MECOM: variants seen among roughly 807,000 people sequenced by gnomAD.
The protein encoded by MECOM is MDS1 and EVI1 complex locus, also known as histone-lysine N-methyltransferase MECOM.
Under a neutral mutation model 116.3 loss-of-function variants are expected in MECOM, and 13 were observed. The ratio of observed to expected loss-of-function variants is 0.11; its 90% confidence interval spans 0.07 to 0.18. The LOEUF (loss-of-function observed/expected upper bound fraction) is 0.18, where lower values mean the gene tolerates loss of function less well. Among genes scored for constraint, MECOM ranks in the 10% least tolerant of loss-of-function variants. MECOM has a pLI of 1.00. For synonymous variants in MECOM, 528 were observed against 535.2 expected, an observed-to-expected ratio of 0.99 and a Z score of 0.19; for missense variants, 1,299 against 1,509.0, an observed-to-expected ratio of 0.86 and a Z score of 2.31.
At position 169,519,117 on chromosome 3, in the gene MECOM, T is replaced by A. The variant is rs1229291323; in HGVS notation, c.38-137593A>T. Among the ~76,000 whole-genome samples the A allele has an allele frequency of 2.0e-5, 3 of 152,360 alleles. No homozygotes were observed. In the East Asian group the frequency reaches 5.8e-4, roughly 29 times the overall value. ...TTCCTTTCTACAACAAATTTTTAAA[T>A]AAATGAGAATGCTTCTCTCTGTGTA... On this transcript the variant is annotated intron_variant, in intron 1 of 16. Transcript: ENST00000651503.
intron 1 of MECOM, among the ~76,000 whole-genome samples, chr3:169,479,186 C>G (rs972220899): frequency 6.6e-6 from 1 of 151,896 alleles, no homozygotes; most frequent in African/African-American, 2.4e-5. Flanking sequence ...ACCAGCAAAT[C>G]TAACATACGC....
At chr3:169,232,380 C>T (rs1015147174) in intron 2 of MECOM, among the ~76,000 whole-genome samples, 1 of 151,488 alleles carries the variant, frequency 6.6e-6, no homozygotes, top group East Asian at 1.9e-4. Flanking sequence ...TATAAGCAAA[C>T]CACAAAAAAA....
At position 169,457,336 on chromosome 3, in the gene MECOM, A is replaced by G. The variant is rs140043324; in HGVS notation, c.38-75812T>C. 7.6e-3 allele frequency among the ~76,000 whole-genome samples: 1,160 copies of G among 152,260 alleles called. 13 individuals are homozygous for G. The highest frequency in any genetic ancestry group is 0.026 in the African/African-American group (1,085 of 41,538). On this transcript the variant is annotated intron_variant, in intron 1 of 16. Coordinates refer to ENST00000651503, the MANE Select transcript of MECOM (RefSeq NM_004991.4). ...TCACAGGGCTTAATTTTGAGCTACAATTGTTTGGTCGGGCTCTCTGTTCAG... is the reference window on the plus strand; with the variant it reads ...TCACAGGGCTTAATTTTGAGCTACAGTTGTTTGGTCGGGCTCTCTGTTCAG...
At chr3:169,554,403 T>C (rs1761790130) in intron 1 of MECOM, among the ~76,000 whole-genome samples, 1 of 152,232 alleles carries the variant, frequency 6.6e-6, no homozygotes, top group Admixed American at 6.5e-5. Context: ...CCAAAAGCTT[T>C]CTGTTATTCA....
At chr3:169,132,758 T>TC (rs1735154810) in intron 3 of MECOM, among the ~76,000 whole-genome samples, 1 of 149,624 alleles carries the variant, frequency 6.7e-6, no homozygotes, top group African/African-American at 2.4e-5. Flanking sequence ...TTCTTTTCTT[T>TC]TTTTTTTTTT....
intron 2 of MECOM, among the ~76,000 whole-genome samples, chr3:169,345,406 G>A (rs1725177761): frequency 6.6e-6 from 1 of 152,034 alleles, no homozygotes; most frequent in Non-Finnish European, 1.5e-5. Flanking sequence ...TTTACTGTCT[G>A]AGCCAAACAA....
At chr3:169,300,282 G>A (rs1283244462) in intron 2 of MECOM, among the ~76,000 whole-genome samples, 1 of 152,070 alleles carries the variant, frequency 6.6e-6, no homozygotes, top group Non-Finnish European at 1.5e-5. Flanking sequence ...TGCTCTCACA[G>A]TAAGAAAATG....
At chr3:169,200,770 C>A (rs920491092) in intron 2 of MECOM, among the ~76,000 whole-genome samples, 1 of 152,078 alleles carries the variant, frequency 6.6e-6, no homozygotes, top group African/African-American at 2.4e-5. Context: ...CTGAGCTTCT[C>A]TGCCCAGGCC....
intron 2 of MECOM, among the ~76,000 whole-genome samples, chr3:169,215,499 G>A (rs981892528): frequency 1.3e-5 from 2 of 152,044 alleles, no homozygotes; most frequent in Non-Finnish European, 2.9e-5. Flanking sequence ...CCCATTCAAC[G>A]ATGGTTACAT....
At chr3:169,512,167 G>A (rs1393539100) in intron 1 of MECOM, among the ~76,000 whole-genome samples, 1 of 152,162 alleles carries the variant, frequency 6.6e-6, no homozygotes, top group African/African-American at 2.4e-5. Context: ...TTGTGCAACT[G>A]AGTTCCAGGT....
At chr3:169,499,460 G>A (rs1183735814) in intron 1 of MECOM, among the ~76,000 whole-genome samples, 1 of 151,028 alleles carries the variant, frequency 6.6e-6, no homozygotes, top group East Asian at 1.9e-4. Flanking sequence ...AAGTTCCAAG[G>A]CAAAATAGCT....
chr3:169,311,646 G>A lies in MECOM; in HGVS notation c.375+69541C>T, dbSNP rs544135041. ...CCTGGTCTTTTTGATCAAGTCAAAA[G>A]CCTTAAAGAAAAAAAGTGTTTCTTT... On this transcript the variant is annotated intron_variant, in intron 2 of 16. Coordinates refer to ENST00000651503, the MANE Select transcript of MECOM (RefSeq NM_004991.4). Among the ~76,000 whole-genome samples the A allele has an allele frequency of 1.9e-3, 294 of 151,714 alleles. 3 individuals are homozygous for A. The highest frequency in any genetic ancestry group is 6.9e-3 in the African/African-American group (284 of 41,412).
chr3:169,102,944 G>A (rs143609919), intron 10 of MECOM, among the ~76,000 whole-genome samples: 8 of 151,664 alleles, frequency 5.3e-5, no homozygotes, highest in Non-Finnish European at 1.0e-4. Flanking sequence ...AAGACAGGGG[G>A]AGCAGTTTAT....
chr3:169,241,516 A>G (rs1754811626), intron 2 of MECOM, among the ~76,000 whole-genome samples: 1 of 152,148 alleles, frequency 6.6e-6, no homozygotes, highest in African/African-American at 2.4e-5. Flanking sequence ...AATGTACCTT[A>G]AGCTAGGGGG....
At chr3:169,137,399 C>T (rs963930565) in intron 3 of MECOM, among the ~76,000 whole-genome samples, 11 of 152,024 alleles carry the variant, frequency 7.2e-5, no homozygotes, top group African/African-American at 2.7e-4. Context: ...GGAGTATCTG[C>T]AGGAAGGATC....
intron 2 of MECOM, among the ~76,000 whole-genome samples, chr3:169,254,846 GA>G (rs888210848): frequency 6.6e-6 from 1 of 152,070 alleles, no homozygotes; most frequent in Non-Finnish European, 1.5e-5. Flanking sequence ...GGTACAAACA[GA>G]AGGGCAGGAT....
In MECOM at chr3:169,122,691, C is replaced by T; in HGVS notation, c.867G>A (p.Arg289=). Residue 289 remains arginine, a synonymous_variant, in exon 6 of 17, where the codon AGG becomes AGA. Coordinates refer to ENST00000651503, the MANE Select transcript of MECOM (RefSeq NM_004991.4). Reference sequence around the variant, plus strand: ...TGGGACACTGATCACACTTGTATTCCCTCTCTTCAGTATGTGACAGCATGT... The same window carrying T: ...TGGGACACTGATCACACTTGTATTCTCTCTCTTCAGTATGTGACAGCATGT... ...EKHMLSHTEE[R]EYKCDQCPKA... 1 of 1,613,948 alleles carries T rather than the reference C, an allele frequency of 6.2e-7. No individual in the cohort carries two copies. Among genetic ancestry groups the T allele is most frequent in the East Asian group, 2.2e-5 (1 of 44,852 alleles).
At chr3:169,319,687 G>C (rs1018691626) in intron 2 of MECOM, among the ~76,000 whole-genome samples, 1 of 152,208 alleles carries the variant, frequency 6.6e-6, no homozygotes. Context: ...TTGGAAATGA[G>C]AGTCTTAGCT....
At chr3:169,518,115 C>T (rs983496009) in intron 1 of MECOM, among the ~76,000 whole-genome samples, 3 of 151,972 alleles carry the variant, frequency 2.0e-5, no homozygotes, top group Non-Finnish European at 4.4e-5. Flanking sequence ...AAAAATTGGA[C>T]GGGCGTGATG....
Sources: allele counts gnomAD v4.1 joint callset (sites outside exome capture counted in the v4.1 genomes callset), GRCh38; gene constraint gnomAD v4.1.1; transcripts MANE v1.5; gene names NCBI Gene and HGNC (gene_info 2026-07-23, HGNC 2026-07-21).